SLC7A14: variants seen among roughly 807,000 people sequenced by gnomAD.
SLC7A14 encodes the protein solute carrier family 7 member 14.
In SLC7A14, 37 loss-of-function variants were observed where a neutral mutation model predicts 60.2. The observed-to-expected ratio is 0.61, with a 90% CI of 0.47 to 0.81. SLC7A14 has a LOEUF of 0.81. Ranked by LOEUF, SLC7A14 falls within the 30% of genes least tolerant of loss-of-function variation. The pLI is 0.00. For synonymous variants in SLC7A14, 399 were observed against 395.8 expected, an observed-to-expected ratio of 1.01 and a Z score of -0.10; for missense variants, 886 against 982.7, an observed-to-expected ratio of 0.90 and a Z score of 1.32.
At chr3:170,473,585 C>G (rs150545056) in intron 7 of SLC7A14, among the ~76,000 whole-genome samples, 1 of 152,304 alleles carries the variant, frequency 6.6e-6, no homozygotes, top group East Asian at 1.9e-4. Context: ...ACTCTGGGAT[C>G]AACTTTCCAA....
At chr3:170,576,774 A>G (rs6444937) in intron 1 of SLC7A14, among the ~76,000 whole-genome samples, 149,627 of 152,270 alleles carry the variant, frequency 0.98, 73,511 homozygotes, top group East Asian at 1. Flanking sequence ...TTTCTGTCTA[A>G]TGCAGGATAT....
chr3:170,525,673 A>G (rs1713471153), intron 2 of SLC7A14, among the ~76,000 whole-genome samples: 1 of 152,038 alleles, frequency 6.6e-6, no homozygotes, highest in South Asian at 2.1e-4. Context: ...TTCCGGTGTA[A>G]AGGAGAGTTA....
In SLC7A14 at chr3:170,573,563, G is replaced by A. The variant is rs150548937; in HGVS notation, c.-153+12348C>T. ...AGATGTCACTGACACAAGTAAGATA[G>A]GCTATGAGTTGAGTATTATAACATG... is the stretch of plus-strand genomic sequence containing the variant. On this transcript the variant is annotated intron_variant, in intron 1 of 7. Transcript: ENST00000231706. Among the ~76,000 whole-genome samples the A allele has an allele frequency of 4.9e-3, 744 of 152,324 alleles. 8 individuals are homozygous for A. The highest frequency in any genetic ancestry group is 0.017 in the African/African-American group (715 of 41,584).
chr3:170,464,861 C>T lies in SLC7A14; in HGVS notation c.*2194G>A, dbSNP rs1188551324. The T allele has an allele frequency of 6.6e-6, 1 of 152,202 alleles. No homozygotes were observed. Among genetic ancestry groups the T allele is most frequent in the Non-Finnish European group, 1.5e-5 (1 of 68,046 alleles). The allele number at this position is 152,202 out of a possible 1,614,324, so 9.4% of individuals were successfully genotyped here. A position where few individuals can be genotyped will look rare whatever the true frequency, so the allele number is the denominator to read the frequency against. Reference sequence around the variant, plus strand: ...TTTGCCATTTTGCACTCCTATTTCTCTATTCTCATGCTTAATGAATACAAC... The same window carrying T: ...TTTGCCATTTTGCACTCCTATTTCTTTATTCTCATGCTTAATGAATACAAC... On this transcript the variant is annotated 3_prime_UTR_variant, in exon 8 of 8. Transcript: ENST00000231706.
intron 4 of SLC7A14, among the ~76,000 whole-genome samples, chr3:170,489,514 A>G (rs1053756741): frequency 3.3e-5 from 5 of 152,264 alleles, no homozygotes; most frequent in African/African-American, 9.6e-5. Context: ...TACAGGCACT[A>G]TGGAGAAGAG....
intron 2 of SLC7A14, among the ~76,000 whole-genome samples, chr3:170,508,493 T>C (rs1360153815): frequency 6.6e-6 from 1 of 152,206 alleles, no homozygotes; most frequent in African/African-American, 2.4e-5. Flanking sequence ...GGTGGGCTGA[T>C]CTAGCAAATG....
intron 4 of SLC7A14, 115 bp from the exon 5 acceptor site, chr3:170,486,483 TA>T: frequency 2.2e-6 from 3 of 1,351,266 alleles, no homozygotes; most frequent in Non-Finnish European, 3.1e-6. Flanking sequence ...GCTGAGGGAG[TA>T]ACATGGTGGA....
At position 170,472,232 on chromosome 3, in the gene SLC7A14, C is replaced by T. The variant is rs558663996; in HGVS notation, c.1994-4855G>A. 1.2e-3 allele frequency among the ~76,000 whole-genome samples: 182 copies of T among 151,294 alleles called. 2 individuals carry two copies. In the South Asian group the frequency reaches 0.03, roughly 25 times the overall value. On this transcript the variant is annotated intron_variant, in intron 7 of 7. Transcript: ENST00000231706. ...AAAAAAAAAAATAATTAGCTGGGCA[C>T]GGTGGCGGGCACTGGTAATCCAGCT...
intron 1 of SLC7A14, among the ~76,000 whole-genome samples, chr3:170,563,112 A>G (rs1449918110): frequency 3.3e-5 from 5 of 152,162 alleles, no homozygotes. Flanking sequence ...TAATGTGCTG[A>G]CCAAAGGAAC....
chr3:170,538,887 T>C (rs771776132), intron 1 of SLC7A14, among the ~76,000 whole-genome samples: 1 of 152,242 alleles, frequency 6.6e-6, no homozygotes, highest in Non-Finnish European at 1.5e-5. Context: ...GCTATTCACA[T>C]TTCCATGTTC....
At chr3:170,520,067 G>T (rs998378148) in intron 2 of SLC7A14, among the ~76,000 whole-genome samples, 1 of 152,230 alleles carries the variant, frequency 6.6e-6, no homozygotes, top group African/African-American at 2.4e-5. Context: ...TTTGTTGTCT[G>T]CAATTGAATG....
Position 170,481,087 on chromosome 3 carries a change from C to A in SLC7A14, c.1195G>T (p.Ala399Ser), listed in dbSNP as rs768048013. Residue 399 changes from alanine (A) to serine (S), a missense_variant, in exon 7 of 8, where the codon GCA (alanine) becomes TCA (serine). By Grantham distance (99) the Ala-to-Ser change is moderately conservative. Coordinates refer to ENST00000231706, the MANE Select transcript of SLC7A14 (RefSeq NM_020949.3). ...AGGTCTCTCAAGCTGACCAACAGTG[C>A]GAGGAGCGCTGCCAGGAACCCCGAC... is the stretch of plus-strand genomic sequence containing the variant. ...IVSGFLAALLALLVSLRDLIE... is the reference protein window; with the variant it reads ...IVSGFLAALLSLLVSLRDLIE... The A allele has an allele frequency of 6.2e-7, 1 of 1,614,084 alleles. No individual in the cohort carries two copies. Among genetic ancestry groups the A allele is most frequent in the African/African-American group, 1.3e-5 (1 of 75,006 alleles).
intron 1 of SLC7A14, among the ~76,000 whole-genome samples, chr3:170,577,268 C>T (rs1197027131): frequency 6.6e-6 from 1 of 152,164 alleles, no homozygotes; most frequent in Non-Finnish European, 1.5e-5. Flanking sequence ...AAAGCTGAGT[C>T]TGGAAAGCAG....
At chr3:170,568,070 T>C (rs1400545829) in intron 1 of SLC7A14, among the ~76,000 whole-genome samples, 3 of 152,212 alleles carry the variant, frequency 2.0e-5, no homozygotes, top group Admixed American at 1.3e-4. Context: ...GTTTTAGACA[T>C]GAAGTCCTTG....
intron 1 of SLC7A14, among the ~76,000 whole-genome samples, chr3:170,542,811 A>G (rs1175713606): frequency 6.6e-6 from 1 of 152,188 alleles, no homozygotes; most frequent in Non-Finnish European, 1.5e-5. Flanking sequence ...CCTTTAGAAG[A>G]TTTTTAATGC....
rs73163875 is a variant in SLC7A14, at chr3:170,527,095, G to A, written c.-152-7C>T. The A allele has an allele frequency of 0.044, 32,411 of 728,416 alleles. 935 individuals carry two copies. Among genetic ancestry groups the A allele is most frequent in the Non-Finnish European group, 0.053 (24,288 of 454,666 alleles). The allele number at this position is 728,416 out of a possible 1,614,324, so 45.1% of individuals were successfully genotyped here. A position where few individuals can be genotyped will look rare whatever the true frequency, so the allele number is the denominator to read the frequency against. ...TTCTCCTGGGCATGAATGTCTGCAG[G>A]AAAAACACAAGAAAGCAGAAGATGA... is the stretch of plus-strand genomic sequence containing the variant. On this transcript the variant is annotated splice_polypyrimidine_tract_variant and splice_region_variant and intron_variant, in intron 1 of 7. Coordinates refer to ENST00000231706, the MANE Select transcript of SLC7A14 (RefSeq NM_020949.3).
In SLC7A14 at chr3:170,530,426, G is replaced by A. The variant is rs907461877; in HGVS notation, c.-152-3338C>T. Among the ~76,000 whole-genome samples, 5 of 152,148 alleles carry A rather than the reference G, an allele frequency of 3.3e-5. No homozygotes were observed. The East Asian group carries it at 5.8e-4, about 18-fold the overall frequency. On this transcript the variant is annotated intron_variant, in intron 1 of 7. Coordinates refer to ENST00000231706, the MANE Select transcript of SLC7A14 (RefSeq NM_020949.3). The stretch of plus-strand genomic sequence containing the variant: ...CTTTACAGATGAGGCAAAGTAGGCC[G>A]GGAGAAGGGCAGTCACTTACCCAAA...
chr3:170,556,936 G>T (rs1714501241), intron 1 of SLC7A14, among the ~76,000 whole-genome samples: 1 of 152,152 alleles, frequency 6.6e-6, no homozygotes. Flanking sequence ...CTTTGTAACA[G>T]AAGTAATAAT....
chr3:170,569,184 C>T (rs1005882640), intron 1 of SLC7A14, among the ~76,000 whole-genome samples: 4 of 152,114 alleles, frequency 2.6e-5, no homozygotes, highest in African/African-American at 9.7e-5. Context: ...AGATACATCC[C>T]ATCAATACCT....
Sources: gnomAD v4.1 joint callset for allele counts (sites outside exome capture counted in the v4.1 genomes callset) on GRCh38, gnomAD v4.1.1 for gene constraint, MANE v1.5 for transcripts, NCBI Gene and HGNC (gene_info 2026-07-23, HGNC 2026-07-21) for gene names.